Variants in COL5A1 observed in about 807,000 individuals in gnomAD.
COL5A1 encodes collagen type V alpha 1 chain, also known as collagen alpha-1(V) chain.
Under a neutral mutation model 263.7 loss-of-function variants are expected in COL5A1, and 16 were observed. The observed-to-expected ratio is 0.06, with a 90% CI of 0.04 to 0.09. The LOEUF (loss-of-function observed/expected upper bound fraction) is 0.09, where lower values mean the gene tolerates loss of function less well. Ranked by LOEUF, COL5A1 falls within the 10% of genes least tolerant of loss-of-function variation. The pLI is 1.00. For missense variants in COL5A1, 2,036 were observed against 2,540.5 expected, an observed-to-expected ratio of 0.80 and a Z score of 4.27; for synonymous variants, 1,012 against 1,004.5, an observed-to-expected ratio of 1.01 and a Z score of -0.14.
intron 1 of COL5A1, among the ~76,000 whole-genome samples, chr9:134,654,193 G>T (rs1212831973): frequency 6.8e-6 from 1 of 147,462 alleles, no homozygotes; most frequent in Non-Finnish European, 1.5e-5. Context: ...GAGGTGTGTA[G>T]GGCTGGAGGT....
intron 27 of COL5A1, among the ~76,000 whole-genome samples, chr9:134,776,575 C>T (rs1041839766): frequency 3.3e-5 from 5 of 152,146 alleles, no homozygotes; most frequent in Non-Finnish European, 7.3e-5. Context: ...CGAGTTTGGC[C>T]CGGGTGGCAG....
At chr9:134,782,391 G>A (rs1837290361) in intron 28 of COL5A1, among the ~76,000 whole-genome samples, 1 of 152,248 alleles carries the variant, frequency 6.6e-6, no homozygotes. Context: ...GGCTTGCTGA[G>A]GCCTCGCCAT....
chr9:134,681,334 CAG>C lies in COL5A1; in HGVS notation c.110-9575_110-9574del, dbSNP rs1442634164. 2.6e-5 allele frequency among the ~76,000 whole-genome samples: 4 copies of C among 152,228 alleles called. No individual in the cohort carries two copies. The highest frequency in any genetic ancestry group is 4.8e-5 in the African/African-American group (2 of 41,464). On this transcript the variant is annotated intron_variant, in intron 1 of 65. Coordinates refer to ENST00000371817, the MANE Select transcript of COL5A1 (RefSeq NM_000093.5). The surrounding 1 kb of genome is among the most constrained non-coding windows in gnomAD (Gnocchi z 4.3). ...CCGGCTCTGCAGGGCCCTTTACAAA[CAG>C]AGCAAATTGATGGCTTCGTGAACAA...
Position 134,705,424 on chromosome 9 carries a change from G to A in COL5A1, c.654+4091G>A, listed in dbSNP as rs537769113. Among the ~76,000 whole-genome samples, 59 of 152,372 alleles carry A rather than the reference G, an allele frequency of 3.9e-4. 1 individual carries two copies. The highest frequency in any genetic ancestry group is 1.3e-3 in the African/African-American group (54 of 41,594). Reference sequence around the variant, plus strand: ...CAGCCCCTGAGTCTGGTTCTAGTGGGGCAGCCTTGCCATGCAGGGGAGGTG... The same window carrying A: ...CAGCCCCTGAGTCTGGTTCTAGTGGAGCAGCCTTGCCATGCAGGGGAGGTG... On this transcript the variant is annotated intron_variant, in intron 4 of 65. Coordinates refer to ENST00000371817, the MANE Select transcript of COL5A1 (RefSeq NM_000093.5).
At chr9:134,816,638 C>G (rs1018419318) in intron 52 of COL5A1, among the ~76,000 whole-genome samples, 2 of 152,244 alleles carry the variant, frequency 1.3e-5, no homozygotes, top group Admixed American at 1.3e-4. Context: ...CTGGATTTCC[C>G]TGACAGACAC....
At position 134,830,006 on chromosome 9, in the gene COL5A1, C is replaced by G. The variant is rs1185766406; in HGVS notation, c.5098C>G (p.Pro1700Ala). Residue 1700 changes from proline to alanine, a missense_variant, in exon 64 of 66, where the codon CCG becomes GCG. Coordinates refer to ENST00000371817, the MANE Select transcript of COL5A1 (RefSeq NM_000093.5). ...ARITSWPKENPGSWFSEFKRG... is the reference protein window; with the variant it reads ...ARITSWPKENAGSWFSEFKRG... ...AATCACTTCTTGGCCCAAAGAAAAC[C>G]CGGGCTCCTGGTTCAGTGAATTCAA... is the stretch of plus-strand genomic sequence containing the variant. 6.2e-7 allele frequency: 1 copy of G among 1,613,992 alleles called. No individual in the cohort carries two copies. Among genetic ancestry groups the G allele is most frequent in the Non-Finnish European group, 8.5e-7 (1 of 1,179,976 alleles).
chr9:134,786,300 A>G (rs960311603), intron 31 of COL5A1, among the ~76,000 whole-genome samples: 1 of 152,208 alleles, frequency 6.6e-6, no homozygotes, highest in Non-Finnish European at 1.5e-5. Flanking sequence ...TCCACCCTGC[A>G]CAGGTTCATC....
At chr9:134,694,408 G>T (rs952075411) in intron 2 of COL5A1, among the ~76,000 whole-genome samples, 20 of 152,232 alleles carry the variant, frequency 1.3e-4, no homozygotes, top group African/African-American at 4.6e-4. Context: ...TGGGTGCCAG[G>T]GAGACACAGC....
intron 1 of COL5A1, among the ~76,000 whole-genome samples, chr9:134,666,770 C>T (rs965893251): frequency 1.3e-5 from 2 of 152,184 alleles, no homozygotes; most frequent in African/African-American, 4.8e-5. Flanking sequence ...CTGGGCTGGC[C>T]TTGATTCAGC....
chr9:134,710,009 G>A lies in COL5A1; in HGVS notation c.654+8676G>A, dbSNP rs1164076168. Among the ~76,000 whole-genome samples, 4 of 152,302 alleles carry A rather than the reference G, an allele frequency of 2.6e-5. No individual in the cohort carries two copies. The South Asian group carries it at 8.3e-4, about 32-fold the overall frequency. On this transcript the variant is annotated intron_variant, in intron 4 of 65. Coordinates refer to ENST00000371817, the MANE Select transcript of COL5A1 (RefSeq NM_000093.5). ...CTGCCCTCACACGGCTGACGGGCGAGGGGGCCCACGAACGTGATGTCCTTC... is the reference window on the plus strand; with the variant it reads ...CTGCCCTCACACGGCTGACGGGCGAAGGGGCCCACGAACGTGATGTCCTTC...
At position 134,812,718 on chromosome 9, in the gene COL5A1, G is replaced by T; in HGVS notation, c.3852+6G>T. 1 of 1,539,354 alleles carries T rather than the reference G, an allele frequency of 6.5e-7. No individual in the cohort carries two copies. The highest frequency in any genetic ancestry group is 1.2e-5 in the South Asian group (1 of 84,558). On this transcript the variant is annotated splice_donor_region_variant and intron_variant, in intron 48 of 65. Transcript: ENST00000371817. Reference sequence around the variant, plus strand: ...CTGGTGCAGTGGGAGAGAAGGTGAGGCTCGTGCCTGCTCTGGTGGCAGATT... The same window carrying T: ...CTGGTGCAGTGGGAGAGAAGGTGAGTCTCGTGCCTGCTCTGGTGGCAGATT...
chr9:134,707,199 C>T (rs1299925134), intron 4 of COL5A1, among the ~76,000 whole-genome samples: 26 of 152,152 alleles, frequency 1.7e-4, no homozygotes, highest in Admixed American at 1.4e-3. Flanking sequence ...AGCCGGCCAG[C>T]GAGTTCTGGG....
intron 24 of COL5A1, 91 bp from the exon 25 acceptor site, chr9:134,768,319 A>G: frequency 8.7e-7 from 1 of 1,146,386 alleles, no homozygotes; most frequent in South Asian, 1.2e-5. Flanking sequence ...CTGTGTGGGC[A>G]GAAATGTTGA....
chr9:134,837,569 C>T (rs1216416344), intron 65 of COL5A1, among the ~76,000 whole-genome samples: 1 of 151,926 alleles, frequency 6.6e-6, no homozygotes, highest in African/African-American at 2.4e-5. Context: ...TTCGGCAATG[C>T]TTTCTGACTC....
intron 1 of COL5A1, among the ~76,000 whole-genome samples, chr9:134,662,701 C>T (rs748575869): frequency 3.3e-5 from 5 of 152,256 alleles, no homozygotes; most frequent in African/African-American, 4.8e-5. Context: ...CTCTCCCGGC[C>T]TCAGCTTTCA....
chr9:134,722,554 G>T (rs1374704099), intron 4 of COL5A1, among the ~76,000 whole-genome samples: 1 of 152,232 alleles, frequency 6.6e-6, no homozygotes, highest in African/African-American at 2.4e-5. Flanking sequence ...GGATCCAGGG[G>T]TGCATCAGGG....
chr9:134,650,321 C>T (rs1285927864), intron 1 of COL5A1, among the ~76,000 whole-genome samples: 1 of 152,172 alleles, frequency 6.6e-6, no homozygotes, highest in African/African-American at 2.4e-5. Flanking sequence ...AAGCGACCGT[C>T]TTCCATTCTG....
chr9:134,783,780 C>A (rs772784402), intron 29 of COL5A1, among the ~76,000 whole-genome samples: 1 of 152,188 alleles, frequency 6.6e-6, no homozygotes, highest in Non-Finnish European at 1.5e-5. Flanking sequence ...GGATCTCTTG[C>A]GCAATGTTGT....
At chr9:134,781,812 G>A (rs746546463) in intron 28 of COL5A1, among the ~76,000 whole-genome samples, 2 of 152,190 alleles carry the variant, frequency 1.3e-5, no homozygotes, top group Non-Finnish European at 2.9e-5. Context: ...GGGAGCTGGC[G>A]CTGGCTGGAA....
Sources: allele counts gnomAD v4.1 joint callset (sites outside exome capture counted in the v4.1 genomes callset), GRCh38; gene constraint gnomAD v4.1.1; non-coding constraint Gnocchi (gnomAD v3.1); transcripts MANE v1.5; gene names NCBI Gene and HGNC (gene_info 2026-07-23, HGNC 2026-07-21).